LDB2: variants seen among roughly 807,000 people sequenced by gnomAD.
The protein encoded by LDB2 is LIM domain binding 2.
Under a neutral mutation model 44.3 loss-of-function variants are expected in LDB2, and 12 were observed. That is an observed-to-expected ratio of 0.27 (90% CI 0.17 to 0.44). LDB2 has a LOEUF of 0.44. Among genes scored for constraint, LDB2 ranks in the 20% least tolerant of loss-of-function variants. LDB2 has a pLI of 1.00. For missense variants in LDB2, 344 were observed against 473.5 expected (o/e 0.73, Z 2.54); for synonymous variants, 164 against 174.8 (o/e 0.94, Z 0.49).
chr4:16,709,809 G>A (rs1233489885), intron 2 of LDB2, among the ~76,000 whole-genome samples: 1 of 152,096 alleles, frequency 6.6e-6, no homozygotes, highest in East Asian at 1.9e-4. Context: ...ATCCCAGAGG[G>A]AATGTCACCT....
At chr4:16,520,865 A>C (rs1455501976) in intron 5 of LDB2, among the ~76,000 whole-genome samples, 1 of 152,030 alleles carries the variant, frequency 6.6e-6, no homozygotes, top group Admixed American at 6.6e-5. Flanking sequence ...CCATGAAGAG[A>C]CCATTCAAGG....
chr4:16,641,432 G>T (rs1031461247), intron 2 of LDB2, among the ~76,000 whole-genome samples: 8 of 152,104 alleles, frequency 5.3e-5, no homozygotes, highest in African/African-American at 1.9e-4. Context: ...GGTTTAATTG[G>T]CTCATGGCTC....
chr4:16,605,288 ACCTT>A (rs1181008057), intron 2 of LDB2, among the ~76,000 whole-genome samples: 1 of 152,142 alleles, frequency 6.6e-6, no homozygotes, highest in African/African-American at 2.4e-5. Flanking sequence ...TATATTCCAC[ACCTT>A]CCTTTTAATA....
intron 5 of LDB2, among the ~76,000 whole-genome samples, chr4:16,569,291 A>G (rs369861340): frequency 3.0e-4 from 45 of 152,372 alleles, no homozygotes; most frequent in African/African-American, 9.9e-4. Flanking sequence ...AAAAGTTTCC[A>G]TAATGATCCA....
At chr4:16,752,732 C>CAGAT (rs1286108910) in intron 2 of LDB2, among the ~76,000 whole-genome samples, 14 of 152,290 alleles carry the variant, frequency 9.2e-5, no homozygotes, top group Non-Finnish European at 1.5e-4. Flanking sequence ...CCAGATGTTA[C>CAGAT]AGATGAAGAA....
chr4:16,508,783 G>A (rs1720576661), intron 6 of LDB2, 97 bp from the exon 7 acceptor site: 2 of 1,172,866 alleles, frequency 1.7e-6, no homozygotes, highest in Non-Finnish European at 2.4e-6. Context: ...TTGGTAAACT[G>A]AAGAGTAGAC....
chr4:16,637,259 G>C (rs1205021994), intron 2 of LDB2, among the ~76,000 whole-genome samples: 1 of 142,198 alleles, frequency 7.0e-6, no homozygotes, highest in Non-Finnish European at 1.5e-5. Context: ...TTCTTTGTGA[G>C]AAAGGCTTGA....
chr4:16,750,331 G>A (rs1481377663), intron 2 of LDB2, among the ~76,000 whole-genome samples: 9 of 152,080 alleles, frequency 5.9e-5, no homozygotes, highest in African/African-American at 2.2e-4. Context: ...AGTTCCCTTG[G>A]GCAAGCCATA....
chr4:16,671,911 A>G (rs1744872677), intron 2 of LDB2, among the ~76,000 whole-genome samples: 1 of 152,152 alleles, frequency 6.6e-6, no homozygotes, highest in South Asian at 2.1e-4. Context: ...AATTGGCTTC[A>G]TTTTAATGAT....
At chr4:16,697,266 T>C (rs908813946) in intron 2 of LDB2, among the ~76,000 whole-genome samples, 4 of 130,682 alleles carry the variant, frequency 3.1e-5, no homozygotes, top group Non-Finnish European at 1.6e-5. Context: ...CTACTAAAAA[T>C]ACACACACAC....
chr4:16,784,550 C>T (rs577301950), intron 1 of LDB2, among the ~76,000 whole-genome samples: 1 of 152,252 alleles, frequency 6.6e-6, no homozygotes. Flanking sequence ...TGGTTCAGGA[C>T]CTAGAAATAG....
At chr4:16,598,305 T>C (rs1448586634) in intron 2 of LDB2, among the ~76,000 whole-genome samples, 1 of 152,164 alleles carries the variant, frequency 6.6e-6, no homozygotes, top group Non-Finnish European at 1.5e-5. Flanking sequence ...GTCCTACTAC[T>C]CTAAGACTGC....
intron 5 of LDB2, among the ~76,000 whole-genome samples, chr4:16,524,318 G>C (rs1727408904): frequency 6.6e-6 from 1 of 152,138 alleles, no homozygotes; most frequent in Non-Finnish European, 1.5e-5. Flanking sequence ...ATTCCAAACT[G>C]GATGCACATA....
chr4:16,832,785 C>T (rs1368882945), intron 1 of LDB2, among the ~76,000 whole-genome samples: 2 of 152,204 alleles, frequency 1.3e-5, no homozygotes, highest in African/African-American at 4.8e-5. Context: ...CTAAGTACCA[C>T]CAGTACTACT....
rs1433372070 is a variant in LDB2, at chr4:16,885,109, C to A, written c.132+13245G>T. ...CTGAGGCGGGAGGATCACTCAAGCT[C>A]AGGAGTTTGAGACCAGCCTGGGCAA... On this transcript the variant is annotated intron_variant, in intron 1 of 7. Transcript: ENST00000304523. Among the ~76,000 whole-genome samples, 4 of 142,874 alleles carry A rather than the reference C, an allele frequency of 2.8e-5. No individual in the cohort carries two copies. In the East Asian group the frequency reaches 6.1e-4, roughly 22 times the overall value. 93.7% of individuals were successfully genotyped at this position (142,874 alleles called of 152,430 possible).
intron 2 of LDB2, among the ~76,000 whole-genome samples, chr4:16,623,324 G>A (rs923571665): frequency 2.0e-5 from 3 of 152,160 alleles, no homozygotes; most frequent in Admixed American, 6.5e-5. Context: ...TCGGCCGGAC[G>A]CAGTGGCTCA....
At chr4:16,765,406 A>G (rs1483860653) in intron 1 of LDB2, among the ~76,000 whole-genome samples, 1 of 152,212 alleles carries the variant, frequency 6.6e-6, no homozygotes, top group African/African-American at 2.4e-5. Flanking sequence ...AAATGCCAAG[A>G]TGCAGTTTGT....
intron 5 of LDB2, among the ~76,000 whole-genome samples, chr4:16,530,463 G>T (rs1729767710): frequency 1.3e-5 from 2 of 152,158 alleles, no homozygotes; most frequent in South Asian, 4.1e-4. Flanking sequence ...ATATCAGTTT[G>T]CCCAGCAGCA....
chr4:16,739,062 T>C (rs1762433261), intron 2 of LDB2, among the ~76,000 whole-genome samples: 1 of 152,118 alleles, frequency 6.6e-6, no homozygotes, highest in Non-Finnish European at 1.5e-5. Context: ...GAAGGCTTTT[T>C]CCAATTCTTC....
Sources: gnomAD v4.1 joint callset for allele counts (sites outside exome capture counted in the v4.1 genomes callset) on GRCh38, gnomAD v4.1.1 for gene constraint, MANE v1.5 for transcripts, NCBI Gene and HGNC (gene_info 2026-07-23, HGNC 2026-07-21) for gene names.